Variants in SLC17A1 observed in about 807,000 individuals in gnomAD.
The protein encoded by SLC17A1 is sodium-dependent phosphate transport protein 1.
In SLC17A1, 51 loss-of-function variants were observed where a neutral mutation model predicts 53.5. The ratio of observed to expected loss-of-function variants is 0.95; its 90% CI spans 0.76 to 1.20. The LOEUF is 1.20. SLC17A1 is among the 50% of genes most tolerant of loss of function. The pLI is 0.00. For synonymous variants in SLC17A1, 179 were observed against 198.8 expected (o/e 0.90, Z 0.84); for missense variants, 538 against 568.2 (o/e 0.95, Z 0.54).
chr6:25,814,618 A>AG (rs1466886526), intron 6 of SLC17A1, among the ~76,000 whole-genome samples: 2 of 152,170 alleles, frequency 1.3e-5, no homozygotes, highest in Non-Finnish European at 2.9e-5. Flanking sequence ...GACCAAGAAA[A>AG]AATCAGTGAG....
chr6:25,829,683 C>T (rs1326660491), intron 2 of SLC17A1, among the ~76,000 whole-genome samples: 1 of 152,074 alleles, frequency 6.6e-6, no homozygotes, highest in African/African-American at 2.4e-5. Flanking sequence ...AGGGGGAATT[C>T]TAAAGTGTTT....
intron 6 of SLC17A1, among the ~76,000 whole-genome samples, chr6:25,813,560 G>T (rs977713707): frequency 3.9e-5 from 6 of 152,150 alleles, no homozygotes; most frequent in African/African-American, 1.4e-4. Context: ...CAATTGCCCA[G>T]TTGTTTTGTT....
the SLC17A1 span, among the ~76,000 whole-genome samples, chr6:25,751,719 T>C: frequency 6.6e-6 from 1 of 152,216 alleles, no homozygotes; most frequent in Admixed American, 6.5e-5. Flanking sequence ...GTTATCCCAG[T>C]GTAACTTAGC....
chr6:25,726,834 G>T, the SLC17A1 span: 1 of 1,500,574 alleles, frequency 6.7e-7, no homozygotes, highest in Non-Finnish European at 9.0e-7. Context: ...TAATACTGAA[G>T]AGCTGTTGAG....
the SLC17A1 span, chr6:25,768,466 T>A: frequency 1.3e-6 from 1 of 786,084 alleles, no homozygotes; most frequent in African/African-American, 1.9e-5. Context: ...TAAGATGAAG[T>A]TTAAATACTT....
At chr6:25,766,758 G>A in the SLC17A1 span, among the ~76,000 whole-genome samples, 1 of 152,176 alleles carries the variant, frequency 6.6e-6, no homozygotes, top group Admixed American at 6.5e-5. Flanking sequence ...CCTGACTGGT[G>A]CGTTTCAAAA....
the SLC17A1 span, chr6:25,770,830 A>C: frequency 2.1e-6 from 2 of 948,698 alleles, no homozygotes; most frequent in East Asian, 2.4e-5. Context: ...CTTGAAACTC[A>C]TACCTTCACT....
chr6:25,795,415 G>A (rs1266066220), intron 12 of SLC17A1, among the ~76,000 whole-genome samples: 4 of 152,142 alleles, frequency 2.6e-5, no homozygotes, highest in Non-Finnish European at 5.9e-5. Context: ...AAGAGTTAGA[G>A]AGCATAAGCA....
intron 12 of SLC17A1, among the ~76,000 whole-genome samples, chr6:25,784,617 A>G (rs1423675907): frequency 6.6e-6 from 1 of 152,092 alleles, no homozygotes; most frequent in Non-Finnish European, 1.5e-5. Flanking sequence ...ACCTCGTACT[A>G]CGCCCCACTT....
rs34669145 is a variant in SLC17A1 at position 25,802,935 on chromosome 6, C to CTTTTTTTTTTTTTTTT, written c.1179-1971_1179-1956dup. 3.0e-4 allele frequency among the ~76,000 whole-genome samples: 14 copies of CTTTTTTTTTTTTTTTT among 46,098 alleles called. 4 individuals are homozygous for CTTTTTTTTTTTTTTTT. Among genetic ancestry groups the CTTTTTTTTTTTTTTTT allele is most frequent in the African/African-American group, 1.2e-3 (13 of 11,110 alleles). 30.2% of individuals were successfully genotyped at this position (46,098 alleles called of 152,430 possible). A position where few individuals can be genotyped will look rare whatever the true frequency, so the allele number is the denominator to read the frequency against. ...ATGACGTTTTAACGACTATCTTCTT[C>CTTTTTTTTTTTTTTTT]TTTTTTTTTTTTTTTTTTTTTTTTT... On this transcript the variant is annotated intron_variant, in intron 10 of 12. Transcript: ENST00000244527.
chr6:25,753,208 C>T, the SLC17A1 span, among the ~76,000 whole-genome samples: 1 of 152,148 alleles, frequency 6.6e-6, no homozygotes, highest in Non-Finnish European at 1.5e-5. Context: ...TTGGGCATCA[C>T]TGACAGGAGG....
chr6:25,725,517 T>A, the SLC17A1 span, among the ~76,000 whole-genome samples: 2 of 152,196 alleles, frequency 1.3e-5, no homozygotes, highest in African/African-American at 4.8e-5. Context: ...TGATGTTACC[T>A]GGATTTAAAC....
At chr6:25,731,701 T>C in the SLC17A1 span, 1 of 957,372 alleles carries the variant, frequency 1.0e-6, no homozygotes, top group South Asian at 1.7e-5. Context: ...AAAATAAACA[T>C]TCTACAGCCC....
At chr6:25,753,963 G>A in the SLC17A1 span, among the ~76,000 whole-genome samples, 5 of 152,224 alleles carry the variant, frequency 3.3e-5, no homozygotes, top group Admixed American at 6.5e-5. Flanking sequence ...TCAGCAAAAC[G>A]TATTGACAAG....
At chr6:25,776,404 T>G in the SLC17A1 span, among the ~76,000 whole-genome samples, 2 of 152,176 alleles carry the variant, frequency 1.3e-5, no homozygotes, top group African/African-American at 4.8e-5. Flanking sequence ...TTGTTCTTTT[T>G]TTTTTGCAAG....
intron 3 of SLC17A1, among the ~76,000 whole-genome samples, chr6:25,822,317 G>A (rs990799007): frequency 1.3e-5 from 2 of 151,956 alleles, no homozygotes; most frequent in African/African-American, 4.8e-5. Flanking sequence ...TCCAAGCAAA[G>A]CCTCTTGTGG....
the SLC17A1 span, chr6:25,732,183 G>A: frequency 2.5e-6 from 1 of 393,496 alleles, no homozygotes; most frequent in Non-Finnish European, 4.7e-6. Flanking sequence ...CAAGTTCACA[G>A]GGAGATCACT....
chr6:25,817,264 T>G (rs905267147), intron 6 of SLC17A1, among the ~76,000 whole-genome samples: 1 of 152,234 alleles, frequency 6.6e-6, no homozygotes, highest in Non-Finnish European at 1.5e-5. Context: ...TAAAACAGTA[T>G]CTATTCAGAT....
At chr6:25,745,913 C>T in the SLC17A1 span, among the ~76,000 whole-genome samples, 87 of 152,304 alleles carry the variant, frequency 5.7e-4, no homozygotes, top group African/African-American at 1.9e-3. Context: ...GTTCAGCCAA[C>T]GATCCTGATA....
Sources: gnomAD v4.1 joint callset for allele counts (sites outside exome capture counted in the v4.1 genomes callset) on GRCh38, gnomAD v4.1.1 for gene constraint, MANE v1.5 for transcripts, NCBI Gene and HGNC (gene_info 2026-07-23, HGNC 2026-07-21) for gene names.